Variants in CDK8 observed in about 807,000 individuals in gnomAD.
CDK8 encodes the protein cyclin-dependent kinase 8.
A neutral mutation model predicts 71.5 loss-of-function variants in CDK8; 29 were observed. The ratio of observed to expected loss-of-function variants is 0.41; its 90% CI spans 0.30 to 0.55. The LOEUF is 0.55. Ranked by LOEUF, CDK8 falls within the 20% of genes least tolerant of loss-of-function variation. The probability of loss-of-function intolerance (pLI) is 0.37; values close to 1 mark genes in which losing one functional copy is unlikely to be tolerated. For missense variants in CDK8, 288 were observed against 572.6 expected, an observed-to-expected ratio of 0.50 and a Z score of 5.07; for synonymous variants, 161 against 192.1, an observed-to-expected ratio of 0.84 and a Z score of 1.34.
chr13:26,262,734 A>G (rs1361505595), intron 1 of CDK8, among the ~76,000 whole-genome samples: 2 of 152,230 alleles, frequency 1.3e-5, no homozygotes, highest in African/African-American at 4.8e-5. Context: ...ATTAAGGAAA[A>G]CGTAATTAGT....
intron 1 of CDK8, among the ~76,000 whole-genome samples, chr13:26,336,009 G>T (rs866507478): frequency 6.6e-6 from 1 of 152,050 alleles, no homozygotes. Flanking sequence ...TTGTGTTGTG[G>T]TTCTTGATTT....
intron 1 of CDK8, among the ~76,000 whole-genome samples, chr13:26,292,051 T>C (rs1873328251): frequency 6.6e-6 from 1 of 152,244 alleles, no homozygotes; most frequent in Non-Finnish European, 1.5e-5. Flanking sequence ...TCATACATTA[T>C]GTTCATAGAA....
intron 9 of CDK8, among the ~76,000 whole-genome samples, chr13:26,399,018 C>CT (rs1239328794): frequency 6.7e-6 from 1 of 149,778 alleles, no homozygotes; most frequent in Non-Finnish European, 1.5e-5. Flanking sequence ...TTCTTTAAGT[C>CT]TTTTTTGTTG....
chr13:26,281,922 T>A (rs1174797272), intron 1 of CDK8, among the ~76,000 whole-genome samples: 1 of 151,958 alleles, frequency 6.6e-6, no homozygotes. Flanking sequence ...AAATGCAGTA[T>A]GCACTGGAAT....
intron 1 of CDK8, among the ~76,000 whole-genome samples, chr13:26,336,863 T>G (rs1873015373): frequency 1.3e-5 from 2 of 151,992 alleles, no homozygotes; most frequent in Non-Finnish European, 2.9e-5. Context: ...CTCTGAGGAG[T>G]CTTTGCTTGG....
At chr13:26,395,655 T>C (rs1312642203) in intron 7 of CDK8, among the ~76,000 whole-genome samples, 1 of 152,202 alleles carries the variant, frequency 6.6e-6, no homozygotes, top group Non-Finnish European at 1.5e-5. Flanking sequence ...AAACGTTTTG[T>C]ACTTAACGTA....
At chr13:26,342,970 A>T (rs1873305663) in intron 2 of CDK8, among the ~76,000 whole-genome samples, 1 of 152,106 alleles carries the variant, frequency 6.6e-6, no homozygotes, top group African/African-American at 2.4e-5. Flanking sequence ...CTGTCTCATC[A>T]GATGGTCATT....
intron 5 of CDK8, 91 bp downstream of exon 5, chr13:26,382,962 A>G (rs973261589): frequency 1.7e-5 from 12 of 726,600 alleles, no homozygotes; most frequent in African/African-American, 1.6e-4. Context: ...TATAATATGC[A>G]TATATTCATG....
At chr13:26,326,811 T>A (rs931585278) in intron 1 of CDK8, among the ~76,000 whole-genome samples, 1 of 152,210 alleles carries the variant, frequency 6.6e-6, no homozygotes, top group Non-Finnish European at 1.5e-5. Flanking sequence ...GCCAGACACC[T>A]AATCTACGGC....
intron 2 of CDK8, among the ~76,000 whole-genome samples, chr13:26,344,727 G>A (rs1397461430): frequency 6.6e-6 from 1 of 151,708 alleles, no homozygotes; most frequent in African/African-American, 2.4e-5. Context: ...ACTTCAGCCT[G>A]GGCAATATGA....
chr13:26,303,303 A>G (rs1873902027), intron 1 of CDK8, among the ~76,000 whole-genome samples: 1 of 150,646 alleles, frequency 6.6e-6, no homozygotes, highest in Non-Finnish European at 1.5e-5. Context: ...ATCTATAAAT[A>G]TATTTCTTTT....
intron 4 of CDK8, among the ~76,000 whole-genome samples, chr13:26,372,801 C>T (rs796727123): frequency 2.2e-4 from 34 of 152,212 alleles, no homozygotes; most frequent in African/African-American, 8.2e-4. Context: ...GAGGACTTGG[C>T]ACATAACTAA....
At chr13:26,291,668 T>C (rs1263608944) in intron 1 of CDK8, among the ~76,000 whole-genome samples, 1 of 152,206 alleles carries the variant, frequency 6.6e-6, no homozygotes, top group Non-Finnish European at 1.5e-5. Context: ...AATGGTATTA[T>C]TTCTCCTATT....
At chr13:26,352,555 C>G (rs1041023054) in intron 3 of CDK8, among the ~76,000 whole-genome samples, 3 of 152,100 alleles carry the variant, frequency 2.0e-5, no homozygotes, top group Non-Finnish European at 2.9e-5. Context: ...TTGATTGTCA[C>G]ATCATATTTT....
At chr13:26,402,166 C>G (rs1443385605) in intron 12 of CDK8, among the ~76,000 whole-genome samples, 2 of 152,160 alleles carry the variant, frequency 1.3e-5, no homozygotes, top group Middle Eastern at 3.2e-3. Context: ...TGAGATAACT[C>G]TGGGAGGTTA....
At chr13:26,271,413 T>C (rs1338531195) in intron 1 of CDK8, among the ~76,000 whole-genome samples, 3 of 152,222 alleles carry the variant, frequency 2.0e-5, no homozygotes, top group East Asian at 1.9e-4. Flanking sequence ...CAGTATGTTA[T>C]TGTATTGACT....
intron 1 of CDK8, among the ~76,000 whole-genome samples, chr13:26,285,664 A>G (rs932532087): frequency 2.0e-5 from 3 of 152,208 alleles, no homozygotes; most frequent in Admixed American, 2.0e-4. Flanking sequence ...AGAGAAGGAA[A>G]TAAAGCGGAT....
At chr13:26,269,623 T>C (rs929454364) in intron 1 of CDK8, among the ~76,000 whole-genome samples, 14 of 152,090 alleles carry the variant, frequency 9.2e-5, no homozygotes, top group Admixed American at 7.2e-4. Flanking sequence ...AAAATTTCAA[T>C]GCAAGCAAAA....
rs369602486 is a variant in CDK8 at position 26,373,347 on chromosome 13, C to A, written c.457-9467C>A. ...CCACTATGACATGCCAAGAATGGTA[C>A]CTGATAGATAATTGGCCTTTGCTGT... is the stretch of plus-strand genomic sequence containing the variant. On this transcript the variant is annotated intron_variant, in intron 4 of 12. Coordinates refer to ENST00000381527, the MANE Select transcript of CDK8 (RefSeq NM_001260.3). Among the ~76,000 whole-genome samples, 31 of 152,012 alleles carry A rather than the reference C, an allele frequency of 2.0e-4. No individual in the cohort carries two copies. In the East Asian group the frequency reaches 4.8e-3, roughly 24 times the overall value.
Sources: allele counts gnomAD v4.1 joint callset (sites outside exome capture counted in the v4.1 genomes callset), GRCh38; gene constraint gnomAD v4.1.1; transcripts MANE v1.5; gene names NCBI Gene and HGNC (gene_info 2026-07-23, HGNC 2026-07-21).